Variants in C4orf51 observed in about 807,000 individuals in gnomAD.
C4orf51 encodes the protein chromosome 4 open reading frame 51, also known as uncharacterized protein C4orf51.
A neutral mutation model predicts 25.2 loss-of-function variants in C4orf51; 25 were observed. That is an observed-to-expected ratio of 0.99 (90% CI 0.72 to 1.39). C4orf51 has a LOEUF of 1.39. Among genes scored for constraint, C4orf51 ranks in the 40% most tolerant of loss-of-function variants. C4orf51 has a pLI of 0.00. For synonymous variants in C4orf51, 100 were observed against 84.5 expected (o/e 1.18, Z -1.01); for missense variants, 252 against 239.6 (o/e 1.05, Z -0.34).
At chr4:145,770,481 T>A (rs1030197600) in intron 1 of C4orf51, among the ~76,000 whole-genome samples, 1 of 151,798 alleles carries the variant, frequency 6.6e-6, no homozygotes, top group Non-Finnish European at 1.5e-5. Context: ...ACTTGCCTCA[T>A]ATGGTGGTTG....
intron 1 of C4orf51, among the ~76,000 whole-genome samples, chr4:145,751,007 T>A (rs1340419771): frequency 6.6e-6 from 1 of 152,120 alleles, no homozygotes. Context: ...TATTTCCATC[T>A]TTGCTAAATT....
At chr4:145,701,960 C>T (rs538700267) in intron 2 of C4orf51, among the ~76,000 whole-genome samples, 106 of 151,978 alleles carry the variant, frequency 7.0e-4, no homozygotes, top group African/African-American at 2.5e-3. Context: ...GTCTTCCTCT[C>T]ATATCCCCCC....
At chr4:145,772,965 T>A (rs1736511412), downstream of C4orf51, among the ~76,000 whole-genome samples, 1 of 152,218 alleles carries the variant, frequency 6.6e-6, no homozygotes, top group Non-Finnish European at 1.5e-5. Context: ...GTCCAGCTTC[T>A]GCCTAGCCAT....
chr4:145,772,603 G>A (rs1736453352), downstream of C4orf51, among the ~76,000 whole-genome samples: 1 of 152,184 alleles, frequency 6.6e-6, no homozygotes, highest in Non-Finnish European at 1.5e-5. Context: ...CAACAGCCGA[G>A]TTGAGTAGTA....
intron 1 of C4orf51, chr4:145,764,633 A>G (rs1053034075): frequency 2.4e-5 from 6 of 252,258 alleles, no homozygotes; most frequent in African/African-American, 1.4e-4. Context: ...TCTCGGTCAC[A>G]GTATGATTTA....
intron 2 of C4orf51, among the ~76,000 whole-genome samples, chr4:145,702,978 C>A (rs1349308662): frequency 6.6e-6 from 1 of 151,384 alleles, no homozygotes; most frequent in Non-Finnish European, 1.5e-5. Context: ...CTCCATACCA[C>A]CCCCCCAAAA....
At chr4:145,767,076 C>T (rs982116526) in intron 1 of C4orf51, among the ~76,000 whole-genome samples, 10 of 152,112 alleles carry the variant, frequency 6.6e-5, no homozygotes, top group South Asian at 4.2e-4. Context: ...AAACACAATT[C>T]GAATTGAGAA....
chr4:145,788,869 G>C, the C4orf51 span, among the ~76,000 whole-genome samples: 1 of 152,226 alleles, frequency 6.6e-6, no homozygotes, highest in East Asian at 1.9e-4. Context: ...TTTTTTGTTT[G>C]TTTGGCTTTG....
In C4orf51 at chr4:145,700,403, C is replaced by G. The variant is rs978282107; in HGVS notation, c.307+3771C>G. Among the ~76,000 whole-genome samples, 42 of 152,154 alleles carry G rather than the reference C, an allele frequency of 2.8e-4. 1 individual carries two copies. Among genetic ancestry groups the G allele is most frequent in the African/African-American group, 1.0e-3 (42 of 41,518 alleles). On this transcript the variant is annotated intron_variant, in intron 2 of 5. Coordinates refer to ENST00000438731, the MANE Select transcript of C4orf51 (RefSeq NM_001080531.3). Reference sequence around the variant, plus strand: ...ATGGGCAACCTTCCACCCTCCATTCCTCCTTCTTCTCCCTTAGCCTGTGTT... The same window carrying G: ...ATGGGCAACCTTCCACCCTCCATTCGTCCTTCTTCTCCCTTAGCCTGTGTT...
chr4:145,771,434 G>A (rs1350105373), downstream of C4orf51, among the ~76,000 whole-genome samples: 1 of 152,192 alleles, frequency 6.6e-6, no homozygotes, highest in African/African-American at 2.4e-5. Flanking sequence ...GTCAATGTGA[G>A]GTGAGGTATT....
At chr4:145,787,336 G>A in the C4orf51 span, among the ~76,000 whole-genome samples, 114 of 152,040 alleles carry the variant, frequency 7.5e-4, 2 homozygotes, top group African/African-American at 2.6e-3. Flanking sequence ...GGTGGCGCGC[G>A]CCTGTAGTCC....
chr4:145,789,502 C>A, the C4orf51 span, among the ~76,000 whole-genome samples: 3 of 152,142 alleles, frequency 2.0e-5, no homozygotes, highest in Admixed American at 1.3e-4. Flanking sequence ...TAATATTTAA[C>A]CTTATAGCAG....
Position 145,695,701 on chromosome 4 carries a change from C to T in C4orf51, c.234-858C>T, listed in dbSNP as rs141947652. On this transcript the variant is annotated intron_variant, in intron 1 of 5. Transcript: ENST00000438731. ...AATATAAATCATTCCACCATAGAGA[C>T]ACATGCATGCAAATGTTCATTGCAG... Among the ~76,000 whole-genome samples, 307 of 152,236 alleles carry T rather than the reference C, an allele frequency of 2.0e-3. 7 individuals carry two copies. The East Asian group carries it at 0.052, about 26-fold the overall frequency.
chr4:145,771,574 T>G (rs1275163199), downstream of C4orf51, among the ~76,000 whole-genome samples: 1 of 152,180 alleles, frequency 6.6e-6, no homozygotes, highest in Non-Finnish European at 1.5e-5. Flanking sequence ...TTGTTGATAT[T>G]CTCTGCAGGG....
At chr4:145,776,331 C>T in the C4orf51 span, among the ~76,000 whole-genome samples, 1 of 151,832 alleles carries the variant, frequency 6.6e-6, no homozygotes, top group Admixed American at 6.6e-5. Flanking sequence ...TGTGGTGGCA[C>T]GTGCCTGTAG....
intron 1 of C4orf51, among the ~76,000 whole-genome samples, chr4:145,695,878 G>C (rs1212501875): frequency 6.6e-6 from 1 of 152,186 alleles, no homozygotes; most frequent in African/African-American, 2.4e-5. Flanking sequence ...TGATGGAGCT[G>C]GTGGCCATTA....
intron 1 of C4orf51, among the ~76,000 whole-genome samples, chr4:145,767,407 A>C (rs186583167): frequency 3.5e-4 from 54 of 152,292 alleles, no homozygotes; most frequent in Middle Eastern, 6.8e-3. Flanking sequence ...GGGAAGCTTA[A>C]AATAAGTTTA....
At chr4:145,790,846 A>G in the C4orf51 span, among the ~76,000 whole-genome samples, 1,629 of 152,306 alleles carry the variant, frequency 0.011, 31 homozygotes, top group African/African-American at 0.037. Flanking sequence ...TAACTATTCT[A>G]CTTTGCCTTT....
At chr4:145,776,332 G>A in the C4orf51 span, among the ~76,000 whole-genome samples, 13 of 151,976 alleles carry the variant, frequency 8.6e-5, no homozygotes, top group African/African-American at 1.2e-4. Flanking sequence ...GTGGTGGCAC[G>A]TGCCTGTAGT....
Sources: allele counts gnomAD v4.1 joint callset (sites outside exome capture counted in the v4.1 genomes callset), GRCh38; gene constraint gnomAD v4.1.1; transcripts MANE v1.5; gene names NCBI Gene and HGNC (gene_info 2026-07-23, HGNC 2026-07-21).